SASS6: variants seen among roughly 807,000 people sequenced by gnomAD.
SASS6 encodes SAS-6 centriolar assembly protein.
In SASS6, 59 loss-of-function variants were observed where a neutral mutation model predicts 94.9. That is an observed-to-expected ratio of 0.62 (90% CI 0.50 to 0.77). The LOEUF is 0.77. Among genes scored for constraint, SASS6 ranks in the 30% least tolerant of loss-of-function variants. SASS6 has a pLI of 0.00. For synonymous variants in SASS6, 264 were observed against 270.0 expected, an observed-to-expected ratio of 0.98 and a Z score of 0.22; for missense variants, 698 against 734.1, an observed-to-expected ratio of 0.95 and a Z score of 0.57.
intron 2 of SASS6, 149 bp downstream of exon 2, chr1:100,125,733 T>C (rs1654570165): frequency 6.6e-6 from 4 of 605,688 alleles, no homozygotes; most frequent in South Asian, 2.0e-5. Flanking sequence ...TCTCAGTAGA[T>C]TCCACCACCC....
Position 100,088,241 on chromosome 1 carries a change from G to A in SASS6, c.1675-5C>T, listed in dbSNP as rs1375840521. On this transcript the variant is annotated splice_region_variant and splice_polypyrimidine_tract_variant and intron_variant, in intron 14 of 16. Coordinates refer to ENST00000287482, the MANE Select transcript of SASS6 (RefSeq NM_194292.3). ...AAACTGCAAATTAAACTGAACCTGT[G>A]AGAAGGAAAAACATCTCATGTAACT... The A allele has an allele frequency of 1.3e-6, 2 of 1,486,342 alleles. No individual in the cohort carries two copies. The highest frequency in any genetic ancestry group is 1.9e-6 in the Non-Finnish European group (2 of 1,064,608). The allele number at this position is 1,486,342 out of a possible 1,614,324, so 92.1% of individuals were successfully genotyped here. A position where few individuals can be genotyped will look rare whatever the true frequency, so the allele number is the denominator to read the frequency against.
chr1:100,086,527 T>A (rs1004068283), intron 15 of SASS6, among the ~76,000 whole-genome samples: 2 of 151,718 alleles, frequency 1.3e-5, no homozygotes, highest in Non-Finnish European at 2.9e-5. Context: ...TTTTTTTTTT[T>A]TTTGAGACAG....
At chr1:100,130,282 C>T (rs962107963) in intron 1 of SASS6, among the ~76,000 whole-genome samples, 4 of 152,084 alleles carry the variant, frequency 2.6e-5, no homozygotes, top group Non-Finnish European at 4.4e-5. Flanking sequence ...TTGTTGGGGA[C>T]GGAGAGGGGG....
chr1:100,100,486 T>C (rs560352250), intron 14 of SASS6, among the ~76,000 whole-genome samples: 1 of 152,346 alleles, frequency 6.6e-6, no homozygotes, highest in East Asian at 1.9e-4. Context: ...TTGGCTATCA[T>C]TGTATCCAAA....
chr1:100,098,847 A>C (rs113213785), intron 14 of SASS6, among the ~76,000 whole-genome samples: 1,718 of 152,328 alleles, frequency 0.011, 40 homozygotes, highest in African/African-American at 0.04. Flanking sequence ...GGCAAGTACT[A>C]TTTATGTTTA....
intron 2 of SASS6, among the ~76,000 whole-genome samples, chr1:100,124,297 T>A (rs1049720729): frequency 1.3e-5 from 2 of 152,244 alleles, no homozygotes; most frequent in Admixed American, 6.5e-5. Flanking sequence ...CCCAGGATGC[T>A]ACTTAAAAAA....
intron 7 of SASS6, among the ~76,000 whole-genome samples, chr1:100,114,605 C>G (rs2101675223): frequency 6.6e-6 from 1 of 152,006 alleles, no homozygotes; most frequent in Middle Eastern, 3.4e-3. Flanking sequence ...GTGGTCCCAG[C>G]TACTCCAAAG....
At chr1:100,122,523 T>A in intron 3 of SASS6, 39 bp from the exon 4 acceptor site, 1 of 879,526 alleles carries the variant, frequency 1.1e-6, no homozygotes, top group Non-Finnish European at 1.8e-6. Context: ...TTAAAAATTT[T>A]AATTAACTTT....
intron 2 of SASS6, among the ~76,000 whole-genome samples, chr1:100,125,406 C>A (rs1218813186): frequency 6.6e-6 from 1 of 151,552 alleles, no homozygotes; most frequent in Non-Finnish European, 1.5e-5. Context: ...ATAGGCCGGG[C>A]ACAGTGGTTC....
intron 14 of SASS6, among the ~76,000 whole-genome samples, chr1:100,095,018 G>C (rs781012473): frequency 2.6e-5 from 4 of 152,066 alleles, no homozygotes; most frequent in Admixed American, 6.5e-5. Context: ...TAAAAGATAA[G>C]CCACATGACC....
At chr1:100,100,386 G>C (rs893859289) in intron 14 of SASS6, among the ~76,000 whole-genome samples, 3 of 152,190 alleles carry the variant, frequency 2.0e-5, no homozygotes, top group Non-Finnish European at 2.9e-5. Context: ...CATTTGTCTT[G>C]TTCACTGCTG....
At chr1:100,119,173 C>T (rs1410502335) in intron 6 of SASS6, 36 bp from the exon 7 acceptor site, 5 of 1,200,406 alleles carry the variant, frequency 4.2e-6, no homozygotes, top group African/African-American at 3.0e-5. Context: ...TTAAGATAGG[C>T]TCCTTAATAT....
At chr1:100,108,326 G>T (rs1174101609) in intron 8 of SASS6, among the ~76,000 whole-genome samples, 1 of 151,986 alleles carries the variant, frequency 6.6e-6, no homozygotes, top group Non-Finnish European at 1.5e-5. Context: ...GGTAACCACG[G>T]GTGAGAGCCG....
intron 8 of SASS6, among the ~76,000 whole-genome samples, chr1:100,108,981 T>C (rs1422298275): frequency 6.8e-6 from 1 of 146,278 alleles, no homozygotes; most frequent in African/African-American, 2.5e-5. Flanking sequence ...ACTCAGCAGT[T>C]AAAAAAAAAA....
intron 1 of SASS6, among the ~76,000 whole-genome samples, chr1:100,128,386 A>C (rs1403588463): frequency 6.6e-6 from 1 of 152,202 alleles, no homozygotes; most frequent in Non-Finnish European, 1.5e-5. Context: ...ATTTGCAAAA[A>C]GTACAAGAAG....
chr1:100,085,296 A>G lies in SASS6; in HGVS notation c.*32T>C. ...TTTTTTAAGCACCTGAGTTTCTAAA[A>G]TACCAATAAAAAGTAAAACATGACA... On this transcript the variant is annotated 3_prime_UTR_variant, in exon 17 of 17. Coordinates refer to ENST00000287482, the MANE Select transcript of SASS6 (RefSeq NM_194292.3). 2.2e-6 allele frequency: 3 copies of G among 1,356,464 alleles called. No individual in the cohort carries two copies. The highest frequency in any genetic ancestry group is 3.2e-6 in the Non-Finnish European group (3 of 946,462). The allele number at this position is 1,356,464 out of a possible 1,614,324, so 84.0% of individuals were successfully genotyped here. A position where few individuals can be genotyped will look rare whatever the true frequency, so the allele number is the denominator to read the frequency against.
At chr1:100,114,539 A>C (rs1415088122) in intron 7 of SASS6, among the ~76,000 whole-genome samples, 2 of 150,902 alleles carry the variant, frequency 1.3e-5, no homozygotes, top group Non-Finnish European at 3.0e-5. Flanking sequence ...TAAATAAATA[A>C]AAATAAAATA....
At chr1:100,113,360 G>C (rs186632824) in intron 7 of SASS6, among the ~76,000 whole-genome samples, 14 of 152,246 alleles carry the variant, frequency 9.2e-5, no homozygotes, top group African/African-American at 3.4e-4. Context: ...TGTAATCCCA[G>C]CACTTTGGGA....
chr1:100,109,489 GC>G (rs1455482566), intron 8 of SASS6, among the ~76,000 whole-genome samples: 40 of 152,012 alleles, frequency 2.6e-4, no homozygotes, highest in Non-Finnish European at 7.4e-5. Context: ...TTTCTGTGGG[GC>G]TTAATACCCA....
Sources: allele counts gnomAD v4.1 joint callset (sites outside exome capture counted in the v4.1 genomes callset), GRCh38; gene constraint gnomAD v4.1.1; transcripts MANE v1.5; gene names NCBI Gene and HGNC (gene_info 2026-07-23, HGNC 2026-07-21).